The following SORCS2 variants were observed in gnomAD, a reference collection of about 807,000 sequenced individuals.
SORCS2 encodes the protein VPS10 domain-containing receptor SorCS2.
A neutral mutation model predicts 141.6 loss-of-function variants in SORCS2; 100 were observed. The ratio of observed to expected loss-of-function variants is 0.71; its 90% CI spans 0.60 to 0.83. SORCS2 has a LOEUF of 0.83. Ranked by LOEUF, SORCS2 falls within the 40% of genes least tolerant of loss-of-function variation. The pLI, the probability that SORCS2 is intolerant of heterozygous loss-of-function variation, is 0.00. For missense variants in SORCS2, 1,646 were observed against 1,560.2 expected (o/e 1.05, Z -0.93); for synonymous variants, 789 against 676.9 (o/e 1.17, Z -2.57).
intron 3 of SORCS2, among the ~76,000 whole-genome samples, chr4:7,620,315 C>T (rs1560431682): frequency 6.6e-6 from 1 of 152,148 alleles, no homozygotes; most frequent in Non-Finnish European, 1.5e-5. Flanking sequence ...TGGATGTGGC[C>T]CATGTGTGGC....
chr4:7,454,568 G>A (rs974891956), intron 2 of SORCS2, among the ~76,000 whole-genome samples: 1 of 128,244 alleles, frequency 7.8e-6, no homozygotes, highest in Non-Finnish European at 1.6e-5. Context: ...GTTGGGGTCA[G>A]GAGCTGTGTG....
At chr4:7,531,717 C>A in intron 3 of SORCS2, 88 bp downstream of exon 3, 6 of 1,320,736 alleles carry the variant, frequency 4.5e-6, no homozygotes, top group Non-Finnish European at 6.4e-6. Context: ...CCCTGCCCTG[C>A]TGTCTCCTAC....
chr4:7,584,156 G>T (rs1716374474), intron 3 of SORCS2, among the ~76,000 whole-genome samples: 1 of 152,224 alleles, frequency 6.6e-6, no homozygotes, highest in South Asian at 2.1e-4. Context: ...TGCATAGCAG[G>T]TGTTCCATAA....
intron 2 of SORCS2, among the ~76,000 whole-genome samples, chr4:7,485,708 C>T (rs972233393): frequency 1.3e-5 from 2 of 152,234 alleles, no homozygotes; most frequent in Admixed American, 6.5e-5. Context: ...GCCTGGCACC[C>T]CTAGAAGGGC....
At chr4:7,331,057 G>T (rs1719625219) in intron 1 of SORCS2, among the ~76,000 whole-genome samples, 1 of 151,818 alleles carries the variant, frequency 6.6e-6, no homozygotes, top group African/African-American at 2.4e-5. Context: ...GCAGAGGCCT[G>T]AGGGAGTCTG....
Position 7,512,389 on chromosome 4 carries a change from G to T in SORCS2, c.549-19141G>T, listed in dbSNP as rs568989320. Among the ~76,000 whole-genome samples, 6 of 129,972 alleles carry T rather than the reference G, an allele frequency of 4.6e-5. No individual in the cohort carries two copies. In the South Asian group the frequency reaches 1.7e-3, roughly 37 times the overall value. The allele number at this position is 129,972 out of a possible 152,430, so 85.3% of individuals were successfully genotyped here. ...TGGAGGGAGGGAGGGAAGAAGGAGGGAAGAAGGAAGGAAGGAAAGAAGGGA... is the reference window on the plus strand; with the variant it reads ...TGGAGGGAGGGAGGGAAGAAGGAGGTAAGAAGGAAGGAAGGAAAGAAGGGA... On this transcript the variant is annotated intron_variant, in intron 2 of 26. Transcript: ENST00000507866.
intron 1 of SORCS2, among the ~76,000 whole-genome samples, chr4:7,307,083 C>T (rs1370779200): frequency 6.6e-6 from 1 of 152,138 alleles, no homozygotes; most frequent in Non-Finnish European, 1.5e-5. Flanking sequence ...TGGGAGAAAC[C>T]GAGGCTGGGG....
At chr4:7,676,907 CCT>C (rs1560475887) in intron 9 of SORCS2, among the ~76,000 whole-genome samples, 2 of 7,074 alleles carry the variant, frequency 2.8e-4, no homozygotes, top group Admixed American at 1.4e-3. Context: ...TCTCTCTCTC[CCT>C]CTCTCCCTCT....
At chr4:7,462,505 A>G (rs566337750) in intron 2 of SORCS2, among the ~76,000 whole-genome samples, 2 of 152,230 alleles carry the variant, frequency 1.3e-5, no homozygotes, top group East Asian at 3.9e-4. Context: ...CAGTGCCCTC[A>G]GTGTACTCCA....
chr4:7,548,399 G>A (rs1224186088), intron 3 of SORCS2, among the ~76,000 whole-genome samples: 2 of 152,102 alleles, frequency 1.3e-5, no homozygotes, highest in East Asian at 1.9e-4. Flanking sequence ...TCCTTATCAC[G>A]GAGCTGAAGT....
chr4:7,651,773 A>C (rs897583961), intron 4 of SORCS2, among the ~76,000 whole-genome samples: 1 of 152,174 alleles, frequency 6.6e-6, no homozygotes, highest in African/African-American at 2.4e-5. Context: ...TGACCCCCGC[A>C]GGGCCTGCAT....
At chr4:7,264,408 G>A (rs1011097457) in intron 1 of SORCS2, among the ~76,000 whole-genome samples, 3 of 152,122 alleles carry the variant, frequency 2.0e-5, no homozygotes, top group South Asian at 2.1e-4. Context: ...CTGCAGGTGT[G>A]GGCATCTGTC....
Position 7,553,091 on chromosome 4 carries a change from G to C in SORCS2, c.648+21462G>C, listed in dbSNP as rs372362017. Reference sequence around the variant, plus strand: ...GCAGGAAAGAGTCAGTGATGTGGAGGGGGCGCTAAGCAGGGGTCTGGATGG... The same window carrying C: ...GCAGGAAAGAGTCAGTGATGTGGAGCGGGCGCTAAGCAGGGGTCTGGATGG... On this transcript the variant is annotated intron_variant, in intron 3 of 26. Coordinates refer to ENST00000507866, the MANE Select transcript of SORCS2 (RefSeq NM_020777.3). 3.5e-3 allele frequency among the ~76,000 whole-genome samples: 526 copies of C among 152,248 alleles called. 7 individuals are homozygous for C. Among genetic ancestry groups the C allele is most frequent in the African/African-American group, 0.012 (484 of 41,552 alleles).
chr4:7,407,241 G>T (rs1725023339), intron 2 of SORCS2, among the ~76,000 whole-genome samples: 1 of 151,992 alleles, frequency 6.6e-6, no homozygotes, highest in African/African-American at 2.4e-5. Context: ...CTTCTGTCTG[G>T]GTGATCTGTC....
intron 3 of SORCS2, among the ~76,000 whole-genome samples, chr4:7,636,119 T>C (rs4689815): frequency 0.61 from 92,949 of 152,114 alleles, 28,794 homozygotes; most frequent in East Asian, 0.95. Flanking sequence ...GCTGGTCCTA[T>C]CCAGCCCCAC....
chr4:7,521,136 A>G (rs749184440), intron 2 of SORCS2, among the ~76,000 whole-genome samples: 1 of 151,846 alleles, frequency 6.6e-6, no homozygotes, highest in Non-Finnish European at 1.5e-5. Context: ...GGTCTCGGTG[A>G]GGTTCCCTTC....
intron 3 of SORCS2, among the ~76,000 whole-genome samples, chr4:7,601,758 G>A (rs1004680305): frequency 2.0e-5 from 3 of 151,944 alleles, no homozygotes; most frequent in South Asian, 2.1e-4. Flanking sequence ...GTGGAGGGAA[G>A]GTCAGCAGAT....
rs190713043 is a variant in SORCS2, at chr4:7,376,354, A to G, written c.481-19934A>G. ...CACTTTGGGAAGCCAAGGCTGGTGGATCATTTGAGGTCAGGACTTTGAGAG... is the reference window on the plus strand; with the variant it reads ...CACTTTGGGAAGCCAAGGCTGGTGGGTCATTTGAGGTCAGGACTTTGAGAG... On this transcript the variant is annotated intron_variant, in intron 1 of 26. Coordinates refer to ENST00000507866, the MANE Select transcript of SORCS2 (RefSeq NM_020777.3). 3.1e-3 allele frequency among the ~76,000 whole-genome samples: 476 copies of G among 152,218 alleles called. 2 individuals carry two copies. The highest frequency in any genetic ancestry group is 0.011 in the African/African-American group (471 of 41,538).
chr4:7,410,996 G>A (rs568689745), intron 2 of SORCS2, among the ~76,000 whole-genome samples: 26 of 116,820 alleles, frequency 2.2e-4, no homozygotes, highest in Middle Eastern at 9.3e-3. Context: ...TGAATCTGTC[G>A]CCAGGCCAGA....
Sources: allele counts gnomAD v4.1 joint callset (sites outside exome capture counted in the v4.1 genomes callset), GRCh38; gene constraint gnomAD v4.1.1; transcripts MANE v1.5; gene names NCBI Gene and HGNC (gene_info 2026-07-23, HGNC 2026-07-21).